The following CADPS variants were observed in gnomAD, a reference collection of about 807,000 sequenced individuals.
CADPS encodes the protein calcium dependent secretion activator.
Under a neutral mutation model 167.3 loss-of-function variants are expected in CADPS, and 57 were observed. The ratio of observed to expected loss-of-function variants is 0.34; its 90% CI spans 0.28 to 0.42. The LOEUF is 0.42. Among genes scored for constraint, CADPS ranks in the 20% least tolerant of loss-of-function variants. The pLI is 1.00. For missense variants in CADPS, 1,414 were observed against 1,738.1 expected (o/e 0.81, Z 3.32); for synonymous variants, 676 against 635.3 (o/e 1.06, Z -0.96).
At chr3:62,548,450 A>G (rs1403941765) in intron 11 of CADPS, among the ~76,000 whole-genome samples, 5 of 152,212 alleles carry the variant, frequency 3.3e-5, no homozygotes, top group African/African-American at 1.2e-4. Flanking sequence ...CCACAAGGGC[A>G]TGCATCACCA....
chr3:62,620,035 G>A (rs908421025), intron 6 of CADPS, among the ~76,000 whole-genome samples: 2 of 151,918 alleles, frequency 1.3e-5, no homozygotes, highest in Non-Finnish European at 2.9e-5. Flanking sequence ...ATTTGTTATT[G>A]ATGCACAAAA....
intron 2 of CADPS, among the ~76,000 whole-genome samples, chr3:62,763,312 G>A (rs1402442267): frequency 2.6e-5 from 4 of 152,112 alleles, no homozygotes; most frequent in Non-Finnish European, 5.9e-5. Flanking sequence ...TGTGCCCTGG[G>A]GCTGTCAAGG....
chr3:62,616,448 A>G (rs2062313263), intron 6 of CADPS, among the ~76,000 whole-genome samples: 1 of 137,476 alleles, frequency 7.3e-6, no homozygotes, highest in South Asian at 2.9e-4. Flanking sequence ...GATACATGAC[A>G]CAATGAGTGA....
chr3:62,839,589 T>C (rs2076360586), intron 1 of CADPS, among the ~76,000 whole-genome samples: 1 of 152,146 alleles, frequency 6.6e-6, no homozygotes, highest in Non-Finnish European at 1.5e-5. Context: ...CCTGAATGCC[T>C]TGGTGAGGAG....
intron 4 of CADPS, 141 bp from the exon 5 acceptor site, chr3:62,651,221 A>G: frequency 1.6e-6 from 1 of 639,254 alleles, no homozygotes; most frequent in East Asian, 2.7e-5. Context: ...TTGTGCTAGA[A>G]AAATGTTCAG....
intron 1 of CADPS, among the ~76,000 whole-genome samples, chr3:62,873,069 G>C (rs1025247473): frequency 6.6e-6 from 1 of 152,098 alleles, no homozygotes; most frequent in Non-Finnish European, 1.5e-5. Context: ...TCAAAAATAC[G>C]AATTGAAAAA....
rs557279031 is a variant in CADPS, at chr3:62,602,244, T to C, written c.1326-9496A>G. Among the ~76,000 whole-genome samples the C allele has an allele frequency of 7.8e-6, 1 of 127,598 alleles. No homozygotes were observed. The highest frequency in any genetic ancestry group is 2.9e-5 in the African/African-American group (1 of 34,452). 83.7% of individuals were successfully genotyped at this position (127,598 alleles called of 152,430 possible). ...AAATAAGGACCCTTGGAGAATTGGA[T>C]TTTGTGCAGGTTGGTGCTGGGGTCG... is the stretch of plus-strand genomic sequence containing the variant. On this transcript the variant is annotated intron_variant, in intron 6 of 29. Transcript: ENST00000383710. The surrounding 1 kb of genome is among the most constrained non-coding windows in gnomAD (Gnocchi z 4.4).
intron 26 of CADPS, among the ~76,000 whole-genome samples, chr3:62,450,924 A>G (rs1306372725): frequency 6.6e-6 from 1 of 152,194 alleles, no homozygotes; most frequent in East Asian, 1.9e-4. Context: ...CACATGACTA[A>G]TAAGTTACAG....
At chr3:62,690,078 G>T (rs1186266382) in intron 3 of CADPS, among the ~76,000 whole-genome samples, 1 of 151,844 alleles carries the variant, frequency 6.6e-6, no homozygotes, top group Non-Finnish European at 1.5e-5. Flanking sequence ...TTGGAGTAAA[G>T]GTGTGTTTGA....
At chr3:62,604,384 G>A (rs2060400613) in intron 6 of CADPS, among the ~76,000 whole-genome samples, 1 of 152,144 alleles carries the variant, frequency 6.6e-6, no homozygotes, top group Admixed American at 6.5e-5. Flanking sequence ...TTTTTCTTGT[G>A]GTGAGGACAG....
At chr3:62,780,261 T>C (rs1224165693) in intron 1 of CADPS, among the ~76,000 whole-genome samples, 1 of 152,062 alleles carries the variant, frequency 6.6e-6, no homozygotes, top group African/African-American at 2.4e-5. Flanking sequence ...CAAAACTTTT[T>C]CAAAAAATTA....
intron 1 of CADPS, among the ~76,000 whole-genome samples, chr3:62,805,692 T>C (rs1352920482): frequency 6.6e-6 from 1 of 152,158 alleles, no homozygotes; most frequent in Admixed American, 6.6e-5. Flanking sequence ...TCTTCCCTTT[T>C]CCCCTCTGCT....
Position 62,515,317 on chromosome 3 carries a change from C to T in CADPS, c.2581+742G>A, listed in dbSNP as rs544374011. Among the ~76,000 whole-genome samples, 13 of 152,064 alleles carry T rather than the reference C, an allele frequency of 8.5e-5. No homozygotes were observed. In the South Asian group the frequency reaches 2.7e-3, roughly 32 times the overall value. ...GTCAAGTTGGGTGTGGCTTTCAAAT[C>T]ACCCTATAGCAGCCAACAGGGTAAC... On this transcript the variant is annotated intron_variant, in intron 16 of 29. Transcript: ENST00000383710.
intron 21 of CADPS, among the ~76,000 whole-genome samples, chr3:62,483,981 G>C (rs1024643241): frequency 1.3e-5 from 2 of 152,098 alleles, no homozygotes; most frequent in African/African-American, 4.8e-5. Context: ...GTATGCAAAA[G>C]CAATTTAATT....
intron 4 of CADPS, among the ~76,000 whole-genome samples, chr3:62,653,868 T>G (rs990661399): frequency 6.6e-6 from 1 of 152,118 alleles, no homozygotes; most frequent in Non-Finnish European, 1.5e-5. Flanking sequence ...CTGGAACTTC[T>G]TAGTATAATC....
At chr3:62,866,271 G>A (rs2081654850) in intron 1 of CADPS, among the ~76,000 whole-genome samples, 1 of 152,034 alleles carries the variant, frequency 6.6e-6, no homozygotes, top group Non-Finnish European at 1.5e-5. Flanking sequence ...ACTCTGAGAA[G>A]CTTTTATAAA....
At chr3:62,814,969 C>G (rs1314688445) in intron 1 of CADPS, among the ~76,000 whole-genome samples, 1 of 152,116 alleles carries the variant, frequency 6.6e-6, no homozygotes, top group African/African-American at 2.4e-5. Flanking sequence ...GCGGGACTTC[C>G]GTCTTCTTTT....
intron 3 of CADPS, among the ~76,000 whole-genome samples, chr3:62,688,244 CTAACCAAAA>C (rs1254450432): frequency 7.9e-5 from 1 of 12,712 alleles, no homozygotes; most frequent in Non-Finnish European, 6.0e-3. Flanking sequence ...CCCTGTCATG[CTAACCAAAA>C]AAACCAAAAA....
In CADPS at chr3:62,874,544, G is replaced by A; in HGVS notation, c.441+45C>T. 6.9e-7 allele frequency: 1 copy of A among 1,442,904 alleles called. No individual in the cohort carries two copies. The highest frequency in any genetic ancestry group is 1.4e-5 in the African/African-American group (1 of 70,208). The allele number at this position is 1,442,904 out of a possible 1,614,324, so 89.4% of individuals were successfully genotyped here. On this transcript the variant is annotated intron_variant, in intron 1 of 29. Coordinates refer to ENST00000383710, the MANE Select transcript of CADPS (RefSeq NM_003716.4). The surrounding 1 kb of genome is among the most constrained non-coding windows in gnomAD (Gnocchi z 7.1). ...CTCCCATTGTTCACCCCGCCCGCCT[G>A]GCGACGTCCGGGTGCTGCTCCCTGG...
Sources: gnomAD v4.1 joint callset for allele counts (sites outside exome capture counted in the v4.1 genomes callset) on GRCh38, gnomAD v4.1.1 for gene constraint, Gnocchi (gnomAD v3.1) non-coding constraint, MANE v1.5 for transcripts, NCBI Gene and HGNC (gene_info 2026-07-23, HGNC 2026-07-21) for gene names.